ADAMTS17: variants seen among roughly 807,000 people sequenced by gnomAD.
The protein encoded by ADAMTS17 is ADAM metallopeptidase with thrombospondin type 1 motif 17, also known as A disintegrin and metalloproteinase with thrombospondin motifs 17.
Under a neutral mutation model 141.5 loss-of-function variants are expected in ADAMTS17, and 113 were observed. The observed-to-expected ratio is 0.80, with a 90% CI of 0.69 to 0.93. The LOEUF (loss-of-function observed/expected upper bound fraction) is 0.93, where lower values mean the gene tolerates loss of function less well. Ranked by LOEUF, ADAMTS17 falls within the 40% of genes least tolerant of loss-of-function variation. The pLI, the probability that ADAMTS17 is intolerant of heterozygous loss-of-function variation, is 0.00. For missense variants in ADAMTS17, 1,659 were observed against 1,517.9 expected (o/e 1.09, Z -1.54); for synonymous variants, 768 against 630.6 (o/e 1.22, Z -3.27).
intron 17 of ADAMTS17, among the ~76,000 whole-genome samples, chr15:100,049,601 T>C (rs1402743495): frequency 2.0e-5 from 3 of 152,192 alleles, no homozygotes; most frequent in Non-Finnish European, 4.4e-5. Flanking sequence ...GTAGCCCTTC[T>C]TATAGGTGTT....
chr15:100,103,357 G>A (rs1268431539), intron 14 of ADAMTS17, among the ~76,000 whole-genome samples: 1 of 152,194 alleles, frequency 6.6e-6, no homozygotes. Context: ...TTTCCTGCAG[G>A]CTTGTTACCT....
intron 15 of ADAMTS17, among the ~76,000 whole-genome samples, chr15:100,083,973 T>C (rs1025848886): frequency 2.0e-5 from 3 of 151,870 alleles, no homozygotes; most frequent in Non-Finnish European, 2.9e-5. Context: ...TTCATCTCAC[T>C]GGGGAGTGCT....
intron 4 of ADAMTS17, among the ~76,000 whole-genome samples, chr15:100,273,945 A>G (rs549639580): frequency 6.6e-5 from 10 of 152,122 alleles, no homozygotes; most frequent in Admixed American, 6.5e-4. Context: ...CTCTTTGGTT[A>G]TTTAATAGTA....
chr15:99,976,148 G>C lies in ADAMTS17; in HGVS notation c.3024C>G (p.Gly1008=), dbSNP rs753588765. The change falls in exon 21 of 22, where the codon GGC becomes GGG. Residue 1008 remains glycine (G), a synonymous_variant. Coordinates refer to ENST00000268070, the MANE Select transcript of ADAMTS17 (RefSeq NM_139057.4). ...QCMHKVTGRH[G]SECPALSKPA... is the part of the protein sequence containing the mutation. ...GCTTCGAGAGGGCGGGGCACTCGCT[G>C]CCGTGGCGCCCTGTGACCTTGTGCA... The C allele has an allele frequency of 1.7e-5, 26 of 1,550,732 alleles. No homozygotes were observed. The South Asian group carries it at 2.9e-4, about 17-fold the overall frequency.
chr15:100,238,789 C>G (rs757698352), intron 7 of ADAMTS17, among the ~76,000 whole-genome samples: 23 of 152,072 alleles, frequency 1.5e-4, no homozygotes, highest in Admixed American at 1.3e-4. Flanking sequence ...AAAATGCTAT[C>G]GAAAAGCGAG....
In ADAMTS17 at chr15:100,054,068, T is replaced by C. The variant is rs747251625; in HGVS notation, c.2138-14A>G. On this transcript the variant is annotated splice_polypyrimidine_tract_variant and intron_variant, in intron 15 of 21. Transcript: ENST00000268070. ...AGTCTTTGAGAGCTAGAAAGCAAGT[T>C]GAAGACCAAAGAATCAAGGGGCTGG... The C allele has an allele frequency of 1.2e-6, 2 of 1,614,094 alleles. No individual in the cohort carries two copies. Among genetic ancestry groups the C allele is most frequent in the Non-Finnish European group, 1.7e-6 (2 of 1,179,992 alleles).
At chr15:100,246,584 C>T (rs746896134) in intron 7 of ADAMTS17, among the ~76,000 whole-genome samples, 15 of 152,300 alleles carry the variant, frequency 9.8e-5, no homozygotes, top group Non-Finnish European at 1.8e-4. Context: ...TAGACACCAA[C>T]GACATAGTGT....
chr15:100,000,714 T>C (rs930253278), intron 18 of ADAMTS17, among the ~76,000 whole-genome samples: 3 of 151,824 alleles, frequency 2.0e-5, no homozygotes, highest in African/African-American at 7.3e-5. Flanking sequence ...GGTTTCACCA[T>C]GTTGGTCAGG....
chr15:100,133,574 G>A (rs760086709), intron 10 of ADAMTS17, among the ~76,000 whole-genome samples: 4 of 152,142 alleles, frequency 2.6e-5, no homozygotes, highest in Non-Finnish European at 5.9e-5. Context: ...AACAACCACC[G>A]AGGGCCTAGG....
At position 100,043,486 on chromosome 15, in the gene ADAMTS17, G is replaced by C. The variant is rs563970160; in HGVS notation, c.2591+5371C>G. Among the ~76,000 whole-genome samples the C allele has an allele frequency of 2.6e-5, 4 of 152,298 alleles. No individual in the cohort carries two copies. In the South Asian group the frequency reaches 8.3e-4, roughly 32 times the overall value. On this transcript the variant is annotated intron_variant, in intron 18 of 21. Coordinates refer to ENST00000268070, the MANE Select transcript of ADAMTS17 (RefSeq NM_139057.4). ...TACATTCCCTGAGCTAATACCTGCA[G>C]AGCTCTGGCTCATGCTGAGAGCGTG...
chr15:100,132,124 T>C lies in ADAMTS17; in HGVS notation c.1604A>G (p.Lys535Arg), dbSNP rs1475967553. 1 of 1,614,002 alleles carries C rather than the reference T, an allele frequency of 6.2e-7. No homozygotes were observed. The highest frequency in any genetic ancestry group is 8.5e-7 in the Non-Finnish European group (1 of 1,180,012). The change falls in exon 12 of 22, where the codon AAG becomes AGG. Residue 535 changes from lysine (K) to arginine (R), a missense_variant. By Grantham distance (26) the Lys-to-Arg change is conservative. Transcript: ENST00000268070. Reference protein sequence around the residue: ...KWCRAGECVSKTPIPEHVDGD... With the variant: ...KWCRAGECVSRTPIPEHVDGD... Reference sequence around the variant, plus strand: ...GTCCACATGCTCCGGGATGGGCGTCTTGCTCACGCACTCCCCCGCGCGGCA... The same window carrying C: ...GTCCACATGCTCCGGGATGGGCGTCCTGCTCACGCACTCCCCCGCGCGGCA...
At chr15:100,133,171 A>T (rs1280864430) in intron 11 of ADAMTS17, 43 bp downstream of exon 11, 4 of 1,526,054 alleles carry the variant, frequency 2.6e-6, no homozygotes, top group Non-Finnish European at 3.6e-6. Context: ...TGCCTGCAAG[A>T]TGTGGAGCTG....
At chr15:100,132,469 T>G (rs2038101667) in intron 11 of ADAMTS17, among the ~76,000 whole-genome samples, 2 of 152,216 alleles carry the variant, frequency 1.3e-5, no homozygotes. Context: ...AAACTTTGTT[T>G]GACGTGAGTG....
chr15:100,329,270 G>A (rs2045979179), intron 3 of ADAMTS17, among the ~76,000 whole-genome samples: 1 of 152,118 alleles, frequency 6.6e-6, no homozygotes, highest in African/African-American at 2.4e-5. Flanking sequence ...CAGGCATAGT[G>A]GCTCATGCCT....
chr15:100,212,595 C>A (rs1340878035), intron 7 of ADAMTS17, among the ~76,000 whole-genome samples: 1 of 151,356 alleles, frequency 6.6e-6, no homozygotes, highest in Non-Finnish European at 1.5e-5. Flanking sequence ...AAGACATTCC[C>A]TAGGAAAAAA....
At chr15:100,312,565 A>T (rs564795645) in intron 3 of ADAMTS17, among the ~76,000 whole-genome samples, 49 of 152,340 alleles carry the variant, frequency 3.2e-4, no homozygotes, top group African/African-American at 1.2e-3. Flanking sequence ...GTAATGCCTG[A>T]GTCTTGCCTT....
chr15:100,154,916 C>T (rs769293546), intron 9 of ADAMTS17, among the ~76,000 whole-genome samples: 40 of 152,212 alleles, frequency 2.6e-4, no homozygotes, highest in Non-Finnish European at 4.6e-4. Flanking sequence ...GGTTTCTTTT[C>T]AAGACAGGGT....
At chr15:100,015,876 C>T (rs2437429) in intron 18 of ADAMTS17, among the ~76,000 whole-genome samples, 22,936 of 152,182 alleles carry the variant, frequency 0.15, 4,721 homozygotes, top group African/African-American at 0.47. Flanking sequence ...GCATTTCCCA[C>T]GTGTTCCTTG....
chr15:100,265,955 C>A (rs892911417), intron 4 of ADAMTS17, among the ~76,000 whole-genome samples: 1 of 152,220 alleles, frequency 6.6e-6, no homozygotes, highest in Non-Finnish European at 1.5e-5. Flanking sequence ...CTGCTCCACA[C>A]CCACCGGAGT....
Sources: gnomAD v4.1 joint callset for allele counts (sites outside exome capture counted in the v4.1 genomes callset) on GRCh38, gnomAD v4.1.1 for gene constraint, MANE v1.5 for transcripts, NCBI Gene and HGNC (gene_info 2026-07-23, HGNC 2026-07-21) for gene names.